The following CPAMD8 variants were observed in gnomAD, a reference collection of about 807,000 sequenced individuals.
CPAMD8 encodes the protein C3 and PZP like alpha-2-macroglobulin domain containing 8, also known as C3 and PZP-like alpha-2-macroglobulin domain-containing protein 8.
In CPAMD8, 146 loss-of-function variants were observed where a neutral mutation model predicts 224.7. The ratio of observed to expected loss-of-function variants is 0.65; its 90% CI spans 0.57 to 0.75. The LOEUF is 0.75. Ranked by LOEUF, CPAMD8 falls within the 30% of genes least tolerant of loss-of-function variation. The pLI is 0.00. For synonymous variants in CPAMD8, 966 were observed against 1,044.6 expected, an observed-to-expected ratio of 0.92 and a Z score of 1.45; for missense variants, 2,301 against 2,537.5, an observed-to-expected ratio of 0.91 and a Z score of 2.00.
At chr19:17,021,315 G>A (rs941236588) in intron 2 of CPAMD8, among the ~76,000 whole-genome samples, 1 of 152,160 alleles carries the variant, frequency 6.6e-6, no homozygotes, top group Non-Finnish European at 1.5e-5. Flanking sequence ...CCCAAGTCAG[G>A]AGTGCCTGGT....
At chr19:16,992,480 C>T (rs1263632104) in intron 12 of CPAMD8, among the ~76,000 whole-genome samples, 2 of 151,968 alleles carry the variant, frequency 1.3e-5, no homozygotes, top group Non-Finnish European at 2.9e-5. Context: ...GAGATGGAGT[C>T]TCACTCTGTT....
chr19:17,012,345 TC>T (rs371440271), intron 3 of CPAMD8, among the ~76,000 whole-genome samples: 29,198 of 132,964 alleles, frequency 0.22, 3,628 homozygotes, highest in South Asian at 0.3. Context: ...TTTCTTTCTT[TC>T]TTTCTTTTTT....
chr19:16,932,270 A>C (rs2053567554), intron 23 of CPAMD8, among the ~76,000 whole-genome samples: 1 of 151,792 alleles, frequency 6.6e-6, no homozygotes. Context: ...AAATGCAAAA[A>C]ATTAGCCAGG....
intron 14 of CPAMD8, among the ~76,000 whole-genome samples, chr19:16,979,269 G>GCCATCCCTCCAT (rs2055403578): frequency 6.9e-6 from 1 of 144,892 alleles, no homozygotes; most frequent in African/African-American, 2.6e-5. Flanking sequence ...CCACCCATTA[G>GCCATCCCTCCAT]CCATCCATCC....
intron 23 of CPAMD8, among the ~76,000 whole-genome samples, chr19:16,933,773 G>A (rs1051438319): frequency 6.6e-6 from 1 of 152,162 alleles, no homozygotes; most frequent in African/African-American, 2.4e-5. Context: ...TTAGAAAACA[G>A]GTTGGCAGTT....
intron 23 of CPAMD8, among the ~76,000 whole-genome samples, chr19:16,933,008 G>A (rs1392902193): frequency 6.6e-6 from 1 of 152,140 alleles, no homozygotes; most frequent in East Asian, 1.9e-4. Context: ...GAGAGGGCTT[G>A]GCACAGTGGC....
intron 19 of CPAMD8, among the ~76,000 whole-genome samples, chr19:16,952,453 G>A (rs2054329121): frequency 6.6e-6 from 1 of 152,206 alleles, no homozygotes; most frequent in Non-Finnish European, 1.5e-5. Context: ...CGAGGTGGGA[G>A]ACTGCCCGAG....
intron 20 of CPAMD8, 142 bp from the exon 21 acceptor site, chr19:16,947,369 C>T: frequency 9.5e-7 from 1 of 1,051,940 alleles, no homozygotes; most frequent in African/African-American, 1.6e-5. Context: ...CGGGAAGGTC[C>T]CCTTTCCATT....
rs985335231 is a variant in CPAMD8 at position 16,897,696 on chromosome 19, C to T, written c.5060G>A (p.Gly1687Asp). Residue 1687 changes from glycine to aspartate, a missense_variant, in exon 39 of 42, where the codon GGC (glycine) becomes GAC (aspartate). Around this residue, in one of 4 missense-constraint regions of CPAMD8, gnomAD observed 1,709 missense variants for 1,753.2 expected, o/e 0.97. Transcript: ENST00000443236. Reference sequence around the variant, plus strand: ...CAGTGGCTCCGCGCACTCACCCGGGCCCCGGGCAGGGGCGCGCTCCACTTC... The same window carrying T: ...CAGTGGCTCCGCGCACTCACCCGGGTCCCGGGCAGGGGCGCGCTCCACTTC... ...CNEVERAPARGPGWFPGESGP... is the reference protein window; with the variant it reads ...CNEVERAPARDPGWFPGESGP... 3.3e-6 allele frequency: 5 copies of T among 1,523,812 alleles called. No individual in the cohort carries two copies. Among genetic ancestry groups the T allele is most frequent in the African/African-American group, 2.8e-5 (2 of 71,190 alleles). The allele number at this position is 1,523,812 out of a possible 1,614,324, so 94.4% of individuals were successfully genotyped here. A position where few individuals can be genotyped will look rare whatever the true frequency, so the allele number is the denominator to read the frequency against.
At chr19:16,987,955 C>T (rs1050357008) in intron 13 of CPAMD8, among the ~76,000 whole-genome samples, 12 of 152,232 alleles carry the variant, frequency 7.9e-5, no homozygotes, top group East Asian at 3.9e-4. Context: ...TGAGCCACCA[C>T]GCCCGGTCGG....
At chr19:17,002,910 C>CTTTTTTT (rs34659000) in intron 8 of CPAMD8, among the ~76,000 whole-genome samples, 5 of 134,492 alleles carry the variant, frequency 3.7e-5, no homozygotes, top group South Asian at 2.3e-4. Context: ...CTTTTCTTTT[C>CTTTTTTT]TTTTTTTTTT....
Position 16,896,582 on chromosome 19 carries a change from C to G in CPAMD8, c.5149G>C (p.Gly1717Arg). The G allele has an allele frequency of 4.0e-6, 6 of 1,512,706 alleles. No homozygotes were observed. The highest frequency in any genetic ancestry group is 2.0e-5 in the Admixed American group (1 of 49,296). The allele number at this position is 1,512,706 out of a possible 1,614,324, so 93.7% of individuals were successfully genotyped here. A position where few individuals can be genotyped will look rare whatever the true frequency, so the allele number is the denominator to read the frequency against. The change falls in exon 40 of 42, where the codon GGC becomes CGC. Residue 1717 changes from glycine (G) to arginine (R), a missense_variant. By Grantham distance (125) the Gly-to-Arg change is moderately radical. This residue lies in a region of CPAMD8 where 1,709 missense variants were observed against 1,753.2 expected (regional missense o/e 0.97). Transcript: ENST00000443236. ...CCGCACACCGGGTTCCCCTGGGCGC[C>G]GCAGTCGTGGTCGCAGCCGCATCGC... ...IARCGCDHDC[G>R]AQGNPVCGSD...
chr19:17,023,397 A>G (rs1224149944), intron 1 of CPAMD8, among the ~76,000 whole-genome samples: 1 of 152,098 alleles, frequency 6.6e-6, no homozygotes, highest in African/African-American at 2.4e-5. Context: ...AAGGCCCTGT[A>G]ACCTCATGAA....
At chr19:16,920,245 C>T (rs1205766622) in intron 27 of CPAMD8, among the ~76,000 whole-genome samples, 4 of 151,932 alleles carry the variant, frequency 2.6e-5, no homozygotes, top group East Asian at 1.9e-4. Context: ...TTTGGGAGGC[C>T]GAGGCGGGCG....
In CPAMD8 at chr19:16,945,605, C is replaced by T. The variant is rs529234664; in HGVS notation, c.2737G>A (p.Ala913Thr). ...ACCCCGATGGGGACCCTCCTGTCGG[C>T]GTGATTCTCCTCAGGGTGTTTGCTG... ...RSSKHPEENHADRRVPIGVDH... is the reference protein window; with the variant it reads ...RSSKHPEENHTDRRVPIGVDH... Residue 913 changes from alanine to threonine, a missense_variant, in exon 22 of 42, where the codon GCC becomes ACC. By Grantham distance (58) the Ala-to-Thr change is moderately conservative. This residue lies in a region of CPAMD8 where 1,709 missense variants were observed against 1,753.2 expected (regional missense o/e 0.97). Coordinates refer to ENST00000443236, the MANE Select transcript of CPAMD8 (RefSeq NM_015692.5). 36 of 1,614,162 alleles carry T rather than the reference C, an allele frequency of 2.2e-5. No individual in the cohort carries two copies. The African/African-American group carries it at 4.3e-4, about 19-fold the overall frequency.
intron 23 of CPAMD8, among the ~76,000 whole-genome samples, chr19:16,934,887 C>A (rs751598168): frequency 5.9e-5 from 9 of 152,046 alleles, no homozygotes; most frequent in South Asian, 2.1e-4. Flanking sequence ...TGTTGTGCAA[C>A]CACCACCACC....
intron 30 of CPAMD8, among the ~76,000 whole-genome samples, chr19:16,905,868 C>G (rs1466136586): frequency 6.6e-6 from 1 of 152,042 alleles, no homozygotes; most frequent in East Asian, 1.9e-4. Context: ...AGTCAAAGCT[C>G]AGGGATTGGA....
At chr19:17,005,584 T>C (rs1297293468) in intron 7 of CPAMD8, among the ~76,000 whole-genome samples, 2 of 152,020 alleles carry the variant, frequency 1.3e-5, no homozygotes, top group African/African-American at 4.8e-5. Flanking sequence ...AAAGGGCACA[T>C]TGACTCTAGG....
At chr19:16,894,802 G>T in intron 41 of CPAMD8, 1 of 264,798 alleles carries the variant, frequency 3.8e-6, no homozygotes, top group Non-Finnish European at 7.7e-6. Context: ...AAAGCTTTGG[G>T]AGACTGAGAT....
Sources: gnomAD v4.1 joint callset for allele counts (sites outside exome capture counted in the v4.1 genomes callset) on GRCh38, gnomAD v4.1.1 for gene constraint, gnomAD v4.1.1 regional missense constraint, MANE v1.5 for transcripts, NCBI Gene and HGNC (gene_info 2026-07-23, HGNC 2026-07-21) for gene names.